Variants in AMZ1 observed in about 807,000 individuals in gnomAD.
The protein encoded by AMZ1 is archaelysin family metallopeptidase 1.
In AMZ1, 39 loss-of-function variants were observed where a neutral mutation model predicts 29.9. The observed-to-expected ratio is 1.30, with a 90% CI of 1.01 to 1.70. AMZ1 has a LOEUF of 1.70. AMZ1 is among the 40% of genes most tolerant of loss of function. AMZ1 has a pLI of 0.00. For synonymous variants in AMZ1, 458 were observed against 304.0 expected, an observed-to-expected ratio of 1.51 and a Z score of -5.27; for missense variants, 1,041 against 680.6, an observed-to-expected ratio of 1.53 and a Z score of -5.89.
chr7:2,709,836 T>C lies in AMZ1; in HGVS notation c.948+20T>C. ...TACCAGGTGAGTGGCTGAGTTGCGCTGCCCGGCTGCTGGGACCTGCGCTCC... is the reference window on the plus strand; with the variant it reads ...TACCAGGTGAGTGGCTGAGTTGCGCCGCCCGGCTGCTGGGACCTGCGCTCC... On this transcript the variant is annotated intron_variant, in intron 6 of 6. Transcript: ENST00000683327. The C allele has an allele frequency of 1.2e-6, 2 of 1,609,576 alleles. No homozygotes were observed. The highest frequency in any genetic ancestry group is 1.7e-6 in the Non-Finnish European group (2 of 1,178,852).
intron 4 of AMZ1, among the ~76,000 whole-genome samples, chr7:2,754,766 A>G (rs1362527181): frequency 6.6e-6 from 1 of 152,148 alleles, no homozygotes; most frequent in Non-Finnish European, 1.5e-5. Flanking sequence ...GGACTTTTGC[A>G]GAGCAAACAT....
In AMZ1 at chr7:2,713,097, C is replaced by T; in HGVS notation, c.*219C>T. ...TACAAAAGAAAAATTAAAAAATTAG[C>T]TGGATGAAGTGGTTCATGCCTGTGT... On this transcript the variant is annotated 3_prime_UTR_variant, in exon 7 of 7. Coordinates refer to ENST00000683327, the MANE Select transcript of AMZ1 (RefSeq NM_001384743.1). The T allele has an allele frequency of 2.2e-6, 1 of 447,744 alleles. No individual in the cohort carries two copies. Among genetic ancestry groups the T allele is most frequent in the Non-Finnish European group, 3.8e-6 (1 of 264,810 alleles). 27.7% of individuals were successfully genotyped at this position (447,744 alleles called of 1,614,324 possible).
At chr7:2,756,605 T>TCAAACAAA (rs139218513) in intron 4 of AMZ1, among the ~76,000 whole-genome samples, 22,757 of 151,336 alleles carry the variant, frequency 0.15, 1,854 homozygotes, top group Non-Finnish European at 0.19. Flanking sequence ...AGACCCTGTC[T>TCAAACAAA]CAAACAAACA....
intron 4 of AMZ1, chr7:2,728,841 T>TGAG (rs754822876): frequency 1.1e-4 from 16 of 152,278 alleles, no homozygotes; most frequent in African/African-American, 1.9e-4. Context: ...ACCCCGGTCA[T>TGAG]GAGGAGGAGG....
chr7:2,688,366 G>A (rs1426679681), intron 1 of AMZ1, 70 bp downstream of exon 1: 3 of 151,416 alleles, frequency 2.0e-5, no homozygotes, highest in Non-Finnish European at 4.4e-5. Context: ...GGGCGGGTGG[G>A]TAGGGGCAGC....
At chr7:2,752,650 AC>A (rs1791095419) in intron 4 of AMZ1, among the ~76,000 whole-genome samples, 1 of 152,248 alleles carries the variant, frequency 6.6e-6, no homozygotes, top group Non-Finnish European at 1.5e-5. Flanking sequence ...TGTTTTACAT[AC>A]TGCCAATAAC....
chr7:2,689,764 T>A (rs1420683986), intron 1 of AMZ1, among the ~76,000 whole-genome samples: 1 of 152,220 alleles, frequency 6.6e-6, no homozygotes, highest in African/African-American at 2.4e-5. Context: ...GGGGACACAC[T>A]GTGACAGGGT....
intron 1 of AMZ1, among the ~76,000 whole-genome samples, chr7:2,699,636 C>T (rs1787936386): frequency 6.6e-6 from 1 of 151,822 alleles, no homozygotes; most frequent in African/African-American, 2.4e-5. Flanking sequence ...GTTGGGGGGT[C>T]CCTAGGTGAT....
Position 2,713,777 on chromosome 7 carries a change from C to A in AMZ1, c.*899C>A, listed in dbSNP as rs906636015. The A allele has an allele frequency of 6.6e-6, 1 of 152,406 alleles. No homozygotes were observed. Among genetic ancestry groups the A allele is most frequent in the East Asian group, 1.9e-4 (1 of 5,336 alleles). The allele number at this position is 152,406 out of a possible 1,614,324, so 9.4% of individuals were successfully genotyped here. ...CTGACGTGCACTGAGGGCAGAGGCC[C>A]CCTTATTCCTGAGGCGGCTACAGCT... On this transcript the variant is annotated 3_prime_UTR_variant, in exon 7 of 7. Coordinates refer to ENST00000683327, the MANE Select transcript of AMZ1 (RefSeq NM_001384743.1).
upstream of AMZ1, among the ~76,000 whole-genome samples, chr7:2,685,351 A>G (rs534259259): frequency 6.6e-6 from 1 of 151,412 alleles, no homozygotes. Context: ...TGAAGTCAGG[A>G]GTTCGAGACC....
In AMZ1 at chr7:2,719,368, C is replaced by T. The variant is rs798556; in HGVS notation, c.*6490C>T. Among the ~76,000 whole-genome samples the T allele has an allele frequency of 2.3e-4, 35 of 152,046 alleles. No homozygotes were observed. The highest frequency in any genetic ancestry group is 7.2e-4 in the African/African-American group (30 of 41,420). On this transcript the variant is annotated 3_prime_UTR_variant, in exon 7 of 7. Coordinates refer to ENST00000683327, the MANE Select transcript of AMZ1 (RefSeq NM_001384743.1). Reference sequence around the variant, plus strand: ...GCAATGCCTAAAGAGGGCAAAGGCCCGCGCGCCTGGCAGAGCTCCCTCCTC... The same window carrying T: ...GCAATGCCTAAAGAGGGCAAAGGCCTGCGCGCCTGGCAGAGCTCCCTCCTC...
At chr7:2,740,771 G>T (rs1047143672) in intron 4 of AMZ1, among the ~76,000 whole-genome samples, 4 of 152,140 alleles carry the variant, frequency 2.6e-5, no homozygotes, top group Non-Finnish European at 5.9e-5. Flanking sequence ...AGGGCTCGCC[G>T]CGGTGACTCA....
At chr7:2,690,403 A>G (rs1434902557) in intron 1 of AMZ1, among the ~76,000 whole-genome samples, 2 of 152,186 alleles carry the variant, frequency 1.3e-5, no homozygotes, top group African/African-American at 4.8e-5. Flanking sequence ...AATGTTTTGT[A>G]GAGACGGGGT....
chr7:2,692,269 G>A (rs1161817346), intron 1 of AMZ1, among the ~76,000 whole-genome samples: 3 of 152,154 alleles, frequency 2.0e-5, no homozygotes, highest in Non-Finnish European at 4.4e-5. Context: ...GGCCGGGCGT[G>A]GTGGCTCACG....
chr7:2,763,113 C>T, upstream of AMZ1: 2 of 1,242,386 alleles, frequency 1.6e-6, no homozygotes, highest in Non-Finnish European at 2.0e-6. Context: ...CCTCTGAAGT[C>T]ATCTTCCTCT....
intron 1 of AMZ1, among the ~76,000 whole-genome samples, chr7:2,682,061 G>T (rs1786900974): frequency 6.6e-6 from 1 of 152,196 alleles, no homozygotes; most frequent in African/African-American, 2.4e-5. Context: ...CGCTCTGGCT[G>T]CTCTCTGGAG....
chr7:2,723,471 TGAG>T (rs1419870079), downstream of AMZ1, among the ~76,000 whole-genome samples: 1 of 152,200 alleles, frequency 6.6e-6, no homozygotes, highest in African/African-American at 2.4e-5. Flanking sequence ...TGACCTTCTT[TGAG>T]GAGCACAGAT....
intron 1 of AMZ1, among the ~76,000 whole-genome samples, chr7:2,689,349 C>T (rs112670034): frequency 6.6e-6 from 1 of 150,868 alleles, no homozygotes; most frequent in Non-Finnish European, 1.5e-5. Flanking sequence ...GCCCTTGTTG[C>T]TTAGAGCGGC....
At chr7:2,724,567 CTG>C (rs1291050418), downstream of AMZ1, among the ~76,000 whole-genome samples, 2 of 151,050 alleles carry the variant, frequency 1.3e-5, no homozygotes, top group Non-Finnish European at 3.0e-5. Context: ...GAGGGCCAGG[CTG>C]TGTGTCGGCC....
Sources: allele counts gnomAD v4.1 joint callset (sites outside exome capture counted in the v4.1 genomes callset), GRCh38; gene constraint gnomAD v4.1.1; transcripts MANE v1.5; gene names NCBI Gene and HGNC (gene_info 2026-07-23, HGNC 2026-07-21).